The following RGSL1 variants were observed in gnomAD, a reference collection of about 807,000 sequenced individuals.
RGSL1 encodes the protein regulator of G protein signaling like 1, also known as regulator of G protein signaling protein-like.
Under a neutral mutation model 124.7 loss-of-function variants are expected in RGSL1, and 97 were observed. That is an observed-to-expected ratio of 0.78 (90% confidence interval 0.66 to 0.92). The LOEUF is 0.92. RGSL1 is among the 40% of genes least tolerant of loss of function. The pLI is 0.00. For missense variants in RGSL1, 1,233 were observed against 1,288.4 expected, an observed-to-expected ratio of 0.96 and a Z score of 0.66; for synonymous variants, 424 against 438.1, an observed-to-expected ratio of 0.97 and a Z score of 0.40.
At chr1:182,521,170 A>G (rs1310743087) in intron 9 of RGSL1, among the ~76,000 whole-genome samples, 2 of 152,190 alleles carry the variant, frequency 1.3e-5, no homozygotes, top group African/African-American at 2.4e-5. Context: ...CCTGGGCTCA[A>G]CTGATCTTCT....
intron 6 of RGSL1, among the ~76,000 whole-genome samples, chr1:182,476,432 C>T (rs1189650941): frequency 1.3e-5 from 2 of 152,160 alleles, no homozygotes; most frequent in Non-Finnish European, 2.9e-5. Context: ...TATTGGCAAA[C>T]CCTGTTGGCA....
rs2102041014 is a variant in RGSL1 at position 182,474,126 on chromosome 1, T to C, written c.1015T>C (p.Ser339Pro). 2 of 1,551,968 alleles carry C rather than the reference T, an allele frequency of 1.3e-6. No homozygotes were observed. Among genetic ancestry groups the C allele is most frequent in the Non-Finnish European group, 1.7e-6 (2 of 1,147,032 alleles). ...GGAAGCCCCCTTTGAGACAAAGGTC[T>C]CTACCCACCTGAGGACTGTCATCCC... ...HMEAPFETKV[S>P]THLRTVIPIV... Residue 339 changes from serine (S) to proline (P), a missense_variant, in exon 6 of 22, where the codon TCT becomes CCT. Ser to Pro is a moderately conservative substitution (Grantham distance 74, BLOSUM62 -1). Transcript: ENST00000294854.
At chr1:182,461,856 G>A (rs1652865309) in intron 4 of RGSL1, among the ~76,000 whole-genome samples, 1 of 152,160 alleles carries the variant, frequency 6.6e-6, no homozygotes, top group Non-Finnish European at 1.5e-5. Context: ...GACCCTTGAT[G>A]GGACTTGTGG....
At chr1:182,545,558 G>A (rs1209469556) in intron 15 of RGSL1, among the ~76,000 whole-genome samples, 1 of 152,266 alleles carries the variant, frequency 6.6e-6, no homozygotes, top group East Asian at 1.9e-4. Context: ...TCAGAATAAA[G>A]AACTCTCTTT....
At chr1:182,558,080 A>G (rs1488497572) in intron 21 of RGSL1, among the ~76,000 whole-genome samples, 2 of 152,032 alleles carry the variant, frequency 1.3e-5, no homozygotes, top group East Asian at 1.9e-4. Flanking sequence ...GGAAGGAAGG[A>G]GGGAAGGAAG....
At chr1:182,500,439 A>G (rs1307572827) in intron 9 of RGSL1, among the ~76,000 whole-genome samples, 1 of 152,202 alleles carries the variant, frequency 6.6e-6, no homozygotes, top group African/African-American at 2.4e-5. Context: ...TAAAATCAGG[A>G]GATGTGAGTC....
chr1:182,488,973 C>G lies in RGSL1; in HGVS notation c.1495-7C>G, dbSNP rs796631010. On this transcript the variant is annotated splice_polypyrimidine_tract_variant and splice_region_variant and intron_variant, in intron 7 of 21. Transcript: ENST00000294854. The stretch of plus-strand genomic sequence containing the variant: ...AATGCCATCTTCCCCTCACCCTCTT[C>G]TCTTAGACACAGAACAGGTTCATCA... The G allele has an allele frequency of 1.9e-6, 3 of 1,548,920 alleles. No homozygotes were observed. The highest frequency in any genetic ancestry group is 2.6e-6 in the Non-Finnish European group (3 of 1,146,156).
At chr1:182,473,485 C>T (rs1270679937) in intron 5 of RGSL1, 90 bp from the exon 6 acceptor site, 1 of 1,366,706 alleles carries the variant, frequency 7.3e-7, no homozygotes, top group African/African-American at 1.5e-5. Flanking sequence ...TATACAAAGA[C>T]ATTTGAAAAA....
chr1:182,458,271 T>G, intron 2 of RGSL1, 48 bp from the exon 3 acceptor site: 1 of 1,407,310 alleles, frequency 7.1e-7, no homozygotes, highest in Non-Finnish European at 9.8e-7. Context: ...GTCATATACA[T>G]GAAGAGAAGC....
In RGSL1 at chr1:182,497,706, CTT is replaced by C. The variant is rs146159936; in HGVS notation, c.1825+4580_1825+4581del. On this transcript the variant is annotated intron_variant, in intron 9 of 21. Transcript: ENST00000294854. ...GTCATCTTACTCAGATTTTCTTTGA[CTT>C]TTATATCCTTGACACTTTTGAAGAT... Among the ~76,000 whole-genome samples the C allele has an allele frequency of 6.6e-3, 1,004 of 152,216 alleles. 13 individuals carry two copies. The highest frequency in any genetic ancestry group is 0.023 in the African/African-American group (955 of 41,522).
At chr1:182,517,467 A>C (rs572963450) in intron 9 of RGSL1, among the ~76,000 whole-genome samples, 113 of 151,772 alleles carry the variant, frequency 7.4e-4, no homozygotes, top group Non-Finnish European at 1.2e-3. Context: ...TAAATCTTCT[A>C]TCCCTTGCTC....
intron 5 of RGSL1, 70 bp from the exon 6 acceptor site, chr1:182,473,505 C>A: frequency 6.9e-7 from 1 of 1,440,492 alleles, no homozygotes; most frequent in Non-Finnish European, 9.2e-7. Flanking sequence ...AAATTAAAAA[C>A]CTCTCCAACA....
intron 11 of RGSL1, among the ~76,000 whole-genome samples, chr1:182,529,179 TTTTA>T (rs1270572166): frequency 1.3e-5 from 2 of 152,196 alleles, no homozygotes; most frequent in East Asian, 1.9e-4. Context: ...TTTCATTTAA[TTTTA>T]TTTAATTCTA....
chr1:182,465,901 G>A (rs1653282609), intron 4 of RGSL1, among the ~76,000 whole-genome samples: 1 of 152,052 alleles, frequency 6.6e-6, no homozygotes, highest in East Asian at 1.9e-4. Flanking sequence ...GAACATTGAT[G>A]CAAAAGTCTG....
At chr1:182,540,144 AGGAT>A in intron 14 of RGSL1, 99 bp from the exon 15 acceptor site, 1 of 1,184,068 alleles carries the variant, frequency 8.4e-7, no homozygotes, top group Non-Finnish European at 1.1e-6. Flanking sequence ...GTAGGCCAAA[AGGAT>A]GGATCCACAG....
In RGSL1 at chr1:182,527,559, G is replaced by C; in HGVS notation, c.1932-20G>C. 1 of 1,531,922 alleles carries C rather than the reference G, an allele frequency of 6.5e-7. No homozygotes were observed. The highest frequency in any genetic ancestry group is 2.4e-5 in the East Asian group (1 of 40,834). The allele number at this position is 1,531,922 out of a possible 1,614,324, so 94.9% of individuals were successfully genotyped here. ...TCATCATTCCTTTCTCTCTACCAAA[G>C]ATGCTTTCTTGTTTTCCAGAAACTT... On this transcript the variant is annotated intron_variant, in intron 10 of 21. Transcript: ENST00000294854.
At chr1:182,471,185 AC>A in intron 4 of RGSL1, 1 of 439,918 alleles carries the variant, frequency 2.3e-6, no homozygotes, top group Non-Finnish European at 4.6e-6. Context: ...TGTCCTCACT[AC>A]ATTAAACAAA....
rs946378313 is a variant in RGSL1 at position 182,455,451 on chromosome 1, G to A, written c.96+1411G>A. 6.6e-5 allele frequency among the ~76,000 whole-genome samples: 10 copies of A among 152,034 alleles called. No homozygotes were observed. The East Asian group carries it at 9.6e-4, about 15-fold the overall frequency. On this transcript the variant is annotated intron_variant, in intron 2 of 21. Coordinates refer to ENST00000294854, the MANE Select transcript of RGSL1 (RefSeq NM_001137669.2). ...ACAAAAATTAGCCGGGCGTGGTGGC[G>A]GGAGCCTGTAGTGCCAGCTACTCAG...
chr1:182,492,070 T>C (rs1655568055), intron 8 of RGSL1, among the ~76,000 whole-genome samples: 1 of 152,214 alleles, frequency 6.6e-6, no homozygotes, highest in Non-Finnish European at 1.5e-5. Flanking sequence ...ATTGATAATA[T>C]TCAGATAGGT....
Sources: allele counts gnomAD v4.1 joint callset (sites outside exome capture counted in the v4.1 genomes callset), GRCh38; gene constraint gnomAD v4.1.1; transcripts MANE v1.5; gene names NCBI Gene and HGNC (gene_info 2026-07-23, HGNC 2026-07-21).